The following PRKCE variants were observed in gnomAD, a reference collection of about 807,000 sequenced individuals.
The protein encoded by PRKCE is protein kinase C epsilon, also known as protein kinase C epsilon type.
Under a neutral mutation model 85.4 loss-of-function variants are expected in PRKCE, and 16 were observed. The ratio of observed to expected loss-of-function variants is 0.19; its 90% CI spans 0.13 to 0.28. The LOEUF (loss-of-function observed/expected upper bound fraction) is 0.28. Ranked by LOEUF, PRKCE falls within the 10% of genes least tolerant of loss-of-function variation. The pLI, the probability that PRKCE is intolerant of heterozygous loss-of-function variation, is 1.00. For missense variants in PRKCE, 573 were observed against 975.2 expected (o/e 0.59, Z 5.49); for synonymous variants, 388 against 371.5 (o/e 1.04, Z -0.51).
At chr2:45,825,297 C>T (rs892778253) in intron 1 of PRKCE, among the ~76,000 whole-genome samples, 1 of 152,202 alleles carries the variant, frequency 6.6e-6, no homozygotes, top group Non-Finnish European at 1.5e-5. Context: ...CACGGTTTTC[C>T]TGCAACAGGC....
chr2:46,147,802 C>T (rs564556585), intron 12 of PRKCE, among the ~76,000 whole-genome samples: 7 of 152,306 alleles, frequency 4.6e-5, no homozygotes, highest in South Asian at 2.1e-4. Flanking sequence ...GGATAGGAAA[C>T]GCAATCCTGA....
At chr2:46,069,521 A>G (rs1234364045) in intron 10 of PRKCE, among the ~76,000 whole-genome samples, 4 of 152,260 alleles carry the variant, frequency 2.6e-5, no homozygotes, top group East Asian at 1.9e-4. Flanking sequence ...TTAAAAAATC[A>G]GTTTCCTGTA....
intron 1 of PRKCE, among the ~76,000 whole-genome samples, chr2:45,821,500 C>T (rs1157864471): frequency 6.6e-6 from 1 of 152,108 alleles, no homozygotes; most frequent in African/African-American, 2.4e-5. Flanking sequence ...TTCCTGACAA[C>T]CCAGTTGACC....
At chr2:45,748,456 G>T (rs1180028430) in intron 1 of PRKCE, among the ~76,000 whole-genome samples, 1 of 152,144 alleles carries the variant, frequency 6.6e-6, no homozygotes, top group Non-Finnish European at 1.5e-5. Flanking sequence ...TTCTTCTCTG[G>T]ATTTCATTAA....
At chr2:45,932,155 T>A (rs1294054012) in intron 2 of PRKCE, among the ~76,000 whole-genome samples, 1 of 152,234 alleles carries the variant, frequency 6.6e-6, no homozygotes, top group African/African-American at 2.4e-5. Context: ...TAGTTTTACT[T>A]GGTTTTGAAC....
chr2:45,860,063 C>G (rs1207617820), intron 2 of PRKCE, among the ~76,000 whole-genome samples: 1 of 152,048 alleles, frequency 6.6e-6, no homozygotes, highest in Non-Finnish European at 1.5e-5. Context: ...CCTTATTAAA[C>G]TAGTATCAGT....
chr2:46,083,872 A>G (rs1205402811), intron 10 of PRKCE, among the ~76,000 whole-genome samples: 1 of 152,234 alleles, frequency 6.6e-6, no homozygotes, highest in Non-Finnish European at 1.5e-5. Context: ...TATAATCCTT[A>G]TATTGCACAG....
At chr2:45,826,167 G>A (rs1353303903) in intron 1 of PRKCE, among the ~76,000 whole-genome samples, 1 of 152,110 alleles carries the variant, frequency 6.6e-6, no homozygotes, top group East Asian at 1.9e-4. Flanking sequence ...TCAATGTGTT[G>A]GAGGGCTCCA....
At chr2:46,039,530 TTTTG>T (rs1708096083) in intron 10 of PRKCE, among the ~76,000 whole-genome samples, 1 of 152,108 alleles carries the variant, frequency 6.6e-6, no homozygotes, top group Non-Finnish European at 1.5e-5. Flanking sequence ...GTTGTTGTTT[TTTTG>T]TTTGTTTGTT....
At chr2:46,063,349 A>G (rs1667329118) in intron 10 of PRKCE, among the ~76,000 whole-genome samples, 1 of 135,242 alleles carries the variant, frequency 7.4e-6, no homozygotes, top group Non-Finnish European at 1.6e-5. Context: ...AGTTGAACAG[A>G]AAAAAAAAAA....
At chr2:45,735,510 T>TAA (rs1467568136) in intron 1 of PRKCE, among the ~76,000 whole-genome samples, 1 of 152,228 alleles carries the variant, frequency 6.6e-6, no homozygotes, top group African/African-American at 2.4e-5. Flanking sequence ...CCATCACCTG[T>TAA]AAAATGGTGG....
chr2:46,140,526 C>T (rs1165073483), intron 11 of PRKCE, among the ~76,000 whole-genome samples: 1 of 152,060 alleles, frequency 6.6e-6, no homozygotes, highest in African/African-American at 2.4e-5. Context: ...CAGAACAAGT[C>T]CCAGATATAT....
At chr2:45,832,088 A>C (rs1260107971) in intron 1 of PRKCE, among the ~76,000 whole-genome samples, 1 of 152,190 alleles carries the variant, frequency 6.6e-6, no homozygotes, top group Non-Finnish European at 1.5e-5. Flanking sequence ...CCAACTAAAC[A>C]ATGAAAAGCA....
intron 10 of PRKCE, among the ~76,000 whole-genome samples, chr2:46,053,861 A>T (rs1033461733): frequency 6.6e-6 from 1 of 152,142 alleles, no homozygotes; most frequent in Admixed American, 6.6e-5. Context: ...CCTGTTTTCA[A>T]TTCTTTTTGC....
intron 1 of PRKCE, among the ~76,000 whole-genome samples, chr2:45,817,974 G>A (rs906368971): frequency 6.6e-6 from 1 of 152,192 alleles, no homozygotes; most frequent in Non-Finnish European, 1.5e-5. Context: ...AGTCTCCCTG[G>A]AGTTTGTCCT....
At chr2:46,120,685 G>C (rs976868869) in intron 11 of PRKCE, among the ~76,000 whole-genome samples, 1 of 152,088 alleles carries the variant, frequency 6.6e-6, no homozygotes, top group African/African-American at 2.4e-5. Context: ...AGGCATAAGG[G>C]GAGAGACTTC....
At chr2:45,770,229 C>T (rs1042353030) in intron 1 of PRKCE, among the ~76,000 whole-genome samples, 3 of 152,152 alleles carry the variant, frequency 2.0e-5, no homozygotes, top group Non-Finnish European at 1.5e-5. Context: ...CTGCTCTGCC[C>T]TAGGGTCAAA....
intron 10 of PRKCE, among the ~76,000 whole-genome samples, chr2:46,011,792 A>C (rs373676233): frequency 1.3e-5 from 2 of 152,000 alleles, no homozygotes; most frequent in East Asian, 1.9e-4. Context: ...ACATGCACCC[A>C]CACACACACA....
intron 2 of PRKCE, among the ~76,000 whole-genome samples, chr2:45,854,337 C>T (rs943632066): frequency 6.6e-6 from 1 of 152,136 alleles, no homozygotes; most frequent in African/African-American, 2.4e-5. Flanking sequence ...AGACAGATCA[C>T]CAAAACCCAG....
Sources: allele counts gnomAD v4.1 joint callset (sites outside exome capture counted in the v4.1 genomes callset), GRCh38; gene constraint gnomAD v4.1.1; transcripts MANE v1.5; gene names NCBI Gene and HGNC (gene_info 2026-07-23, HGNC 2026-07-21).